FSIP2: variants seen among roughly 807,000 people sequenced by gnomAD.
FSIP2 encodes fibrous sheath-interacting protein 2.
Under a neutral mutation model 510.5 loss-of-function variants are expected in FSIP2, and 367 were observed. That is an observed-to-expected ratio of 0.72 (90% CI 0.66 to 0.78). The LOEUF is 0.78. Ranked by LOEUF, FSIP2 falls within the 30% of genes least tolerant of loss-of-function variation. The pLI is 0.00. For missense variants in FSIP2, 7,594 were observed against 7,901.7 expected (o/e 0.96, Z 1.48); for synonymous variants, 2,601 against 2,732.2 (o/e 0.95, Z 1.50).
rs1311777957 is a variant in FSIP2, at chr2:185,800,623, T to C, written c.11317T>C (p.Phe3773Leu). The C allele has an allele frequency of 7.8e-6, 12 of 1,533,608 alleles. No homozygotes were observed. The highest frequency in any genetic ancestry group is 1.0e-5 in the Non-Finnish European group (12 of 1,145,582). ...TTTGGAAGAATGCACAAGCACTGCTTTTCCTGATAAAGGGTCTGTTTCAGA... is the reference window on the plus strand; with the variant it reads ...TTTGGAAGAATGCACAAGCACTGCTCTTCCTGATAAAGGGTCTGTTTCAGA... ...ILLEECTSTAFPDKGSVSEET... is the reference protein window; with the variant it reads ...ILLEECTSTALPDKGSVSEET... Residue 3773 changes from phenylalanine to leucine, a missense_variant, in exon 17 of 23, where the codon TTT (phenylalanine) becomes CTT (leucine). Phe to Leu is a conservative substitution (Grantham distance 22). Coordinates refer to ENST00000424728, the MANE Select transcript of FSIP2 (RefSeq NM_173651.4).
In FSIP2 at chr2:185,803,018, T is replaced by G. The variant is rs1196325728; in HGVS notation, c.13712T>G (p.Ile4571Ser). The G allele has an allele frequency of 3.3e-6, 5 of 1,528,722 alleles. No individual in the cohort carries two copies. The highest frequency in any genetic ancestry group is 3.5e-6 in the Non-Finnish European group (4 of 1,143,744). The allele number at this position is 1,528,722 out of a possible 1,614,324, so 94.7% of individuals were successfully genotyped here. The change falls in exon 17 of 23, where the codon ATT (isoleucine) becomes AGT (serine). Residue 4571 changes from isoleucine to serine, a missense_variant. Physicochemically the swap from Ile to Ser is moderately radical, Grantham distance 142. Coordinates refer to ENST00000424728, the MANE Select transcript of FSIP2 (RefSeq NM_173651.4). The part of the protein sequence containing the change: ...AVQNITSSND[I>S]LIDRIAGFII... ...CAAAATATCACAAGCAGTAATGACA[T>G]TCTTATAGATAGAATAGCAGGTTTC... is the stretch of plus-strand genomic sequence containing the variant.
chr2:185,763,839 T>C (rs1207128081), intron 12 of FSIP2, among the ~76,000 whole-genome samples: 2 of 151,620 alleles, frequency 1.3e-5, no homozygotes, highest in Non-Finnish European at 3.0e-5. Flanking sequence ...TCATTTTCCA[T>C]GTCCTAGAAT....
chr2:185,778,633 G>T (rs936994929), intron 13 of FSIP2, among the ~76,000 whole-genome samples: 9 of 151,834 alleles, frequency 5.9e-5, no homozygotes, highest in African/African-American at 2.2e-4. Context: ...CCATAAAGAG[G>T]AATCTAGAGC....
chr2:185,765,219 G>A (rs1386955883), intron 13 of FSIP2: 1 of 151,988 alleles, frequency 6.6e-6, no homozygotes, highest in Non-Finnish European at 1.5e-5. Context: ...CATAAGACAA[G>A]GAGAATCATA....
chr2:185,792,213 G>A lies in FSIP2; in HGVS notation c.5077G>A (p.Asp1693Asn), dbSNP rs1042366194. ...VKLILDAVSS[D>N]MFNEMESEGG... ...GTTAATTTTAGATGCAGTATCTTCC[G>A]ATATGTTTAATGAAATGGAATCTGA... The change falls in exon 16 of 23, where the codon GAT (aspartate) becomes AAT (asparagine). Residue 1693 changes from aspartate (D) to asparagine (N), a missense_variant. Asp to Asn is a conservative substitution (Grantham distance 23). Transcript: ENST00000424728. 64 of 1,532,510 alleles carry A rather than the reference G, an allele frequency of 4.2e-5. No individual in the cohort carries two copies. The highest frequency in any genetic ancestry group is 5.1e-5 in the Non-Finnish European group (58 of 1,144,778). 94.9% of individuals were successfully genotyped at this position (1,532,510 alleles called of 1,614,324 possible). A position where few individuals can be genotyped will look rare whatever the true frequency, so the allele number is the denominator to read the frequency against.
chr2:185,821,104 A>C (rs1336243969), intron 19 of FSIP2, among the ~76,000 whole-genome samples: 1 of 151,368 alleles, frequency 6.6e-6, no homozygotes, highest in Non-Finnish European at 1.5e-5. Flanking sequence ...AAAATCATAA[A>C]TGAAAGAGGT....
At chr2:185,773,254 C>T (rs1317907979) in intron 13 of FSIP2, among the ~76,000 whole-genome samples, 1 of 152,170 alleles carries the variant, frequency 6.6e-6, no homozygotes, top group Non-Finnish European at 1.5e-5. Flanking sequence ...ATTTGTGAAG[C>T]TTAATCTTGT....
In FSIP2 at chr2:185,807,089, A is replaced by G. The variant is rs1161516283; in HGVS notation, c.17783A>G (p.Tyr5928Cys). 1.9e-6 allele frequency: 3 copies of G among 1,594,442 alleles called. No individual in the cohort carries two copies. Among genetic ancestry groups the G allele is most frequent in the African/African-American group, 1.4e-5 (1 of 73,722 alleles). ...HSSVCNILND[Y>C]GSQDSIWKNI... ...TCTGTTTGTAATATTTTAAATGACT[A>G]TGGATCTCAAGACTCTATTTGGAAG... Residue 5928 changes from tyrosine (Y) to cysteine (C), a missense_variant, in exon 17 of 23, where the codon TAT becomes TGT. Transcript: ENST00000424728.
chr2:185,778,475 C>A (rs1241283778), intron 13 of FSIP2, among the ~76,000 whole-genome samples: 2 of 151,564 alleles, frequency 1.3e-5, no homozygotes, highest in Non-Finnish European at 3.0e-5. Context: ...GTTTAATATC[C>A]AATTTTGTTT....
chr2:185,773,424 A>C (rs1264948917), intron 13 of FSIP2, among the ~76,000 whole-genome samples: 2 of 152,142 alleles, frequency 1.3e-5, no homozygotes, highest in Non-Finnish European at 2.9e-5. Flanking sequence ...CTAATTTTAT[A>C]ATTTATTCTT....
intron 17 of FSIP2, among the ~76,000 whole-genome samples, chr2:185,811,096 A>G (rs1169928089): frequency 6.6e-6 from 1 of 152,066 alleles, no homozygotes. Context: ...TGCTTCTAAC[A>G]GCCTATTCTC....
chr2:185,743,353 C>T, intron 3 of FSIP2, 59 bp downstream of exon 3: 1 of 1,203,824 alleles, frequency 8.3e-7, no homozygotes, highest in African/African-American at 1.6e-5. Context: ...TTGATATAAA[C>T]TTGTTTCTGT....
intron 13 of FSIP2, among the ~76,000 whole-genome samples, chr2:185,777,070 G>C (rs773327853): frequency 6.6e-6 from 1 of 152,136 alleles, no homozygotes; most frequent in Non-Finnish European, 1.5e-5. Context: ...TATGGTCTCT[G>C]TTGCAGCTAC....
At chr2:185,738,199 C>G, upstream of FSIP2, 1 of 216,836 alleles carries the variant, frequency 4.6e-6, no homozygotes, top group Non-Finnish European at 9.3e-6. Flanking sequence ...TGTGTCCTGC[C>G]CAGTGCTTAG....
At chr2:185,737,385 CAA>C (rs1361093091), upstream of FSIP2, among the ~76,000 whole-genome samples, 10 of 152,100 alleles carry the variant, frequency 6.6e-5, no homozygotes, top group Non-Finnish European at 8.8e-5. Flanking sequence ...CATCAAAGAT[CAA>C]ATTGATACAA....
In FSIP2 at chr2:185,792,715, C is replaced by A; in HGVS notation, c.5579C>A (p.Thr1860Lys). 6.5e-7 allele frequency: 1 copy of A among 1,533,898 alleles called. No homozygotes were observed. Among genetic ancestry groups the A allele is most frequent in the Non-Finnish European group, 8.7e-7 (1 of 1,145,452 alleles). ...VFHKLYSAAM[T>K]ERNVRENRYK... The stretch of plus-strand genomic sequence containing the variant: ...CACAAACTTTATTCAGCTGCCATGA[C>A]AGAAAGAAATGTAAGGGAAAATAGG... Residue 1860 changes from threonine (T) to lysine (K), a missense_variant, in exon 16 of 23, where the codon ACA becomes AAA. By Grantham distance (78) the Thr-to-Lys change is moderately conservative. Coordinates refer to ENST00000424728, the MANE Select transcript of FSIP2 (RefSeq NM_173651.4).
upstream of FSIP2, chr2:185,738,658 A>G: frequency 2.0e-6 from 3 of 1,536,064 alleles, no homozygotes; most frequent in Non-Finnish European, 2.6e-6. Context: ...CTCTCAGATC[A>G]GGCCTCTCGG....
chr2:185,825,857 G>A (rs1399632933), intron 20 of FSIP2, among the ~76,000 whole-genome samples: 1 of 151,760 alleles, frequency 6.6e-6, no homozygotes, highest in Non-Finnish European at 1.5e-5. Context: ...CCAAGGGTAA[G>A]GACTTAAACA....
intron 19 of FSIP2, among the ~76,000 whole-genome samples, chr2:185,823,162 C>G (rs531918666): frequency 5.7e-4 from 86 of 151,774 alleles, no homozygotes; most frequent in Middle Eastern, 3.4e-3. Flanking sequence ...TTTTTTTGTT[C>G]TTGTTGTTAT....
Sources: gnomAD v4.1 joint callset for allele counts (sites outside exome capture counted in the v4.1 genomes callset) on GRCh38, gnomAD v4.1.1 for gene constraint, MANE v1.5 for transcripts, NCBI Gene and HGNC (gene_info 2026-07-23, HGNC 2026-07-21) for gene names.